The following SUMF1 variants were observed in gnomAD, a reference collection of about 807,000 sequenced individuals.
The protein encoded by SUMF1 is formylglycine-generating enzyme.
Under a neutral mutation model 47.6 loss-of-function variants are expected in SUMF1, and 48 were observed. That is an observed-to-expected ratio of 1.01 (90% confidence interval 0.80 to 1.28). The LOEUF is 1.28. SUMF1 is among the 50% of genes most tolerant of loss of function. The probability of loss-of-function intolerance (pLI) is 0.00; values close to 1 mark genes in which losing one functional copy is unlikely to be tolerated. For missense variants in SUMF1, 571 were observed against 485.4 expected (o/e 1.18, Z -1.66); for synonymous variants, 230 against 192.1 (o/e 1.20, Z -1.63).
chr3:4,415,814 A>AAAAT (rs1488049068), intron 6 of SUMF1, among the ~76,000 whole-genome samples: 1 of 152,172 alleles, frequency 6.6e-6, no homozygotes, highest in African/African-American at 2.4e-5. Flanking sequence ...CTCCATCTCA[A>AAAAT]AAATAAATAA....
chr3:4,097,637 T>C (rs1388602045), intron 8 of SUMF1, among the ~76,000 whole-genome samples: 1 of 152,146 alleles, frequency 6.6e-6, no homozygotes, highest in Non-Finnish European at 1.5e-5. Flanking sequence ...ACAACGCATG[T>C]GTTCTTCCTT....
intron 8 of SUMF1, among the ~76,000 whole-genome samples, chr3:4,153,522 GT>G (rs66765266): frequency 0.34 from 49,606 of 145,474 alleles, 9,159 homozygotes; most frequent in Non-Finnish European, 0.41. Context: ...CGCCTTGTAG[GT>G]TTTTTTTTTT....
intron 8 of SUMF1, among the ~76,000 whole-genome samples, chr3:4,350,227 TTGTTCAGGG>T (rs767048860): frequency 2.2e-4 from 34 of 152,052 alleles, no homozygotes; most frequent in Non-Finnish European, 3.7e-4. Context: ...AATCACCATG[TTGTTCAGGG>T]TGTTTTCAAA....
chr3:4,142,436 T>C (rs988480591), intron 8 of SUMF1, among the ~76,000 whole-genome samples: 1 of 152,172 alleles, frequency 6.6e-6, no homozygotes, highest in Admixed American at 6.5e-5. Flanking sequence ...GTGTCTTTTA[T>C]TTCTGTATCC....
chr3:4,274,307 T>G (rs868050660), intron 8 of SUMF1, among the ~76,000 whole-genome samples: 1 of 152,052 alleles, frequency 6.6e-6, no homozygotes, highest in Admixed American at 6.6e-5. Flanking sequence ...ACCAAGAAAC[T>G]AAATTTGTAG....
chr3:4,055,290 C>T (rs1428904542), intron 9 of SUMF1, among the ~76,000 whole-genome samples: 1 of 151,958 alleles, frequency 6.6e-6, no homozygotes, highest in Admixed American at 6.6e-5. Context: ...TGTTAGCTAG[C>T]CTTTATTAAG....
intron 8 of SUMF1, among the ~76,000 whole-genome samples, chr3:4,373,577 A>G (rs1021736785): frequency 6.6e-6 from 1 of 152,314 alleles, no homozygotes; most frequent in Non-Finnish European, 1.5e-5. Flanking sequence ...TAATTAATTA[A>G]TAGTTAAAAC....
chr3:4,346,156 C>T (rs1363136900), intron 8 of SUMF1, among the ~76,000 whole-genome samples: 1 of 152,140 alleles, frequency 6.6e-6, no homozygotes, highest in Middle Eastern at 3.2e-3. Flanking sequence ...AGGACTTGAA[C>T]GCAGCTCTGG....
At chr3:4,466,613 TGAAGATACTGA>T (rs1020238873) in intron 1 of SUMF1, among the ~76,000 whole-genome samples, 1 of 152,110 alleles carries the variant, frequency 6.6e-6, no homozygotes, top group African/African-American at 2.4e-5. Context: ...ACAACCCTGG[TGAAGATACTGA>T]GACCCAGGAT....
chr3:4,117,749 A>C (rs1278826751), intron 8 of SUMF1, among the ~76,000 whole-genome samples: 2 of 150,776 alleles, frequency 1.3e-5, no homozygotes, highest in African/African-American at 4.9e-5. Flanking sequence ...CTTAAACATG[A>C]ATCTCTCCCC....
At chr3:4,207,743 T>C in intron 8 of SUMF1, among the ~76,000 whole-genome samples, 1 of 152,020 alleles carries the variant, frequency 6.6e-6, no homozygotes. Context: ...AGAAGTGAGG[T>C]AGCAGGGCAA....
intron 8 of SUMF1, among the ~76,000 whole-genome samples, chr3:4,143,042 C>T (rs1313933740): frequency 6.6e-6 from 1 of 151,996 alleles, no homozygotes; most frequent in African/African-American, 2.4e-5. Flanking sequence ...GGTAAGTGTC[C>T]CGCTGCAAAG....
At chr3:4,182,018 G>A (rs1358973461) in intron 8 of SUMF1, among the ~76,000 whole-genome samples, 3 of 152,054 alleles carry the variant, frequency 2.0e-5, no homozygotes, top group African/African-American at 4.8e-5. Context: ...GTTATAGTTC[G>A]ATTTGTAACT....
chr3:4,242,942 C>G (rs767780726), intron 8 of SUMF1, among the ~76,000 whole-genome samples: 2 of 152,156 alleles, frequency 1.3e-5, no homozygotes, highest in Non-Finnish European at 2.9e-5. Context: ...ATTATTGCCT[C>G]AATTTCAGAG....
intron 3 of SUMF1, among the ~76,000 whole-genome samples, chr3:4,429,997 G>A (rs1288380295): frequency 6.6e-6 from 1 of 152,152 alleles, no homozygotes; most frequent in Non-Finnish European, 1.5e-5. Context: ...TTAAAGGTGG[G>A]AAGGATCTGA....
At chr3:4,163,407 G>A (rs1204314343) in intron 8 of SUMF1, among the ~76,000 whole-genome samples, 1 of 82,738 alleles carries the variant, frequency 1.2e-5, no homozygotes, top group East Asian at 3.0e-4. Flanking sequence ...AGGGAGGGAG[G>A]GAGGGAGGGA....
At chr3:4,250,642 A>G (rs1696780255) in intron 8 of SUMF1, among the ~76,000 whole-genome samples, 1 of 152,200 alleles carries the variant, frequency 6.6e-6, no homozygotes, top group Admixed American at 6.5e-5. Context: ...CTCTCTTGTT[A>G]GAGGCTAACA....
intron 8 of SUMF1, among the ~76,000 whole-genome samples, chr3:4,365,770 T>A (rs1187876320): frequency 6.6e-6 from 1 of 150,678 alleles, no homozygotes; most frequent in Non-Finnish European, 1.5e-5. Flanking sequence ...TGATGTTAGC[T>A]GGTGATTTTG....
In SUMF1 at chr3:4,387,524, T is replaced by A. The variant is rs1376006951; in HGVS notation, c.955-11135A>T. 2.0e-5 allele frequency among the ~76,000 whole-genome samples: 3 copies of A among 152,056 alleles called. No homozygotes were observed. The East Asian group carries it at 5.8e-4, about 29-fold the overall frequency. ...GCTAGAGGTTTGTCAATTTTATAAA[T>A]CTTTTCAAAGACCCAGTTCTTCATT... On this transcript the variant is annotated intron_variant, in intron 7 of 8. Transcript: ENST00000272902.
Sources: allele counts gnomAD v4.1 joint callset (sites outside exome capture counted in the v4.1 genomes callset), GRCh38; gene constraint gnomAD v4.1.1; transcripts MANE v1.5; gene names NCBI Gene and HGNC (gene_info 2026-07-23, HGNC 2026-07-21).